The following MYLK variants were observed in gnomAD, a reference collection of about 807,000 sequenced individuals.
The protein encoded by MYLK is myosin light chain kinase, smooth muscle.
Under a neutral mutation model 203.4 loss-of-function variants are expected in MYLK, and 106 were observed. That is an observed-to-expected ratio of 0.52 (90% CI 0.45 to 0.61). The LOEUF (loss-of-function observed/expected upper bound fraction) is 0.61, where lower values mean the gene tolerates loss of function less well. Ranked by LOEUF, MYLK falls within the 20% of genes least tolerant of loss-of-function variation. The probability of loss-of-function intolerance (pLI) is 0.00; values close to 1 mark genes in which losing one functional copy is unlikely to be tolerated. For missense variants in MYLK, 2,072 were observed against 2,442.3 expected (o/e 0.85, Z 3.20); for synonymous variants, 867 against 959.5 (o/e 0.90, Z 1.78).
chr3:123,754,872 T>C (rs574854426), intron 4 of MYLK, among the ~76,000 whole-genome samples: 1 of 152,260 alleles, frequency 6.6e-6, no homozygotes, highest in East Asian at 1.9e-4. Context: ...TTAAATCTAG[T>C]AGCGGAAATA....
intron 4 of MYLK, among the ~76,000 whole-genome samples, chr3:123,781,358 C>A (rs1193039294): frequency 1.3e-5 from 2 of 152,206 alleles, no homozygotes; most frequent in Non-Finnish European, 2.9e-5. Context: ...CAAATGGAAT[C>A]CTGAGGGGGT....
chr3:123,618,709 A>G lies in MYLK; in HGVS notation c.5430T>C (p.Tyr1810=), dbSNP rs534877967. 4.3e-6 allele frequency: 7 copies of G among 1,614,182 alleles called. No individual in the cohort carries two copies. The East Asian group carries it at 1.1e-4, about 26-fold the overall frequency. ...CTAAATCGCGAATGGTCTTAGAGAAATAGGGTTTTACATGAGGCTTTTCCT... is the reference window on the plus strand; with the variant it reads ...CTAAATCGCGAATGGTCTTAGAGAAGTAGGGTTTTACATGAGGCTTTTCCT... ...VAEEKPHVKP[Y]FSKTIRDLEV... Residue 1810 remains tyrosine (Y), a synonymous_variant, in exon 33 of 34, where the codon TAT becomes TAC. Transcript: ENST00000360304.
In MYLK at chr3:123,876,573, T is replaced by C. The variant is rs1361844076; in HGVS notation, c.-141A>G. ...CATGCTATTACCTTTATTTTTTCTC[T>C]TCAGCTGGCCCGAATTGGTTTCTGT... On this transcript the variant is annotated 5_prime_UTR_variant, in exon 2 of 34. Coordinates refer to ENST00000360304, the MANE Select transcript of MYLK (RefSeq NM_053025.4). 1 of 152,214 alleles carries C rather than the reference T, an allele frequency of 6.6e-6. No homozygotes were observed. The highest frequency in any genetic ancestry group is 2.4e-5 in the African/African-American group (1 of 41,454). 9.4% of individuals were successfully genotyped at this position (152,214 alleles called of 1,614,324 possible). A position where few individuals can be genotyped will look rare whatever the true frequency, so the allele number is the denominator to read the frequency against.
intron 4 of MYLK, among the ~76,000 whole-genome samples, chr3:123,792,905 C>T (rs2064837911): frequency 1.3e-5 from 2 of 152,160 alleles, no homozygotes; most frequent in Non-Finnish European, 2.9e-5. Flanking sequence ...TTCAGTACAG[C>T]CCCAGGCCAT....
At position 123,629,215 on chromosome 3, in the gene MYLK, C is replaced by T. The variant is rs1370539210; in HGVS notation, c.5114+259G>A. On this transcript the variant is annotated intron_variant, in intron 30 of 33. Transcript: ENST00000360304. This position sits in a 1 kb window ranked among gnomAD's most constrained non-coding sequence, Gnocchi z 4.4. Reference sequence around the variant, plus strand: ...CTTGCTCTGTAACGTGGTCAAGTGTCGCTTTTCAAGTCAGGTGTCTGAGCC... The same window carrying T: ...CTTGCTCTGTAACGTGGTCAAGTGTTGCTTTTCAAGTCAGGTGTCTGAGCC... Among the ~76,000 whole-genome samples, 1 of 152,194 alleles carries T rather than the reference C, an allele frequency of 6.6e-6. No individual in the cohort carries two copies. Among genetic ancestry groups the T allele is most frequent in the Non-Finnish European group, 1.5e-5 (1 of 68,038 alleles).
intron 3 of MYLK, chr3:123,814,113 G>T: frequency 5.7e-6 from 2 of 348,772 alleles, no homozygotes; most frequent in East Asian, 8.8e-5. Context: ...CCCTGCCTGT[G>T]TAGGCACTGA....
chr3:123,852,352 C>T (rs2030907572), intron 2 of MYLK, among the ~76,000 whole-genome samples: 1 of 152,172 alleles, frequency 6.6e-6, no homozygotes, highest in Non-Finnish European at 1.5e-5. Context: ...GTGAATCCGT[C>T]TGGTCCTGGA....
At chr3:123,721,042 G>A (rs547361641) in intron 13 of MYLK, among the ~76,000 whole-genome samples, 2 of 152,290 alleles carry the variant, frequency 1.3e-5, no homozygotes, top group South Asian at 4.2e-4. Context: ...AGAGCCTTCT[G>A]TCTGAAATCA....
chr3:123,744,571 T>A (rs2062957928), intron 5 of MYLK, among the ~76,000 whole-genome samples: 1 of 152,184 alleles, frequency 6.6e-6, no homozygotes. Flanking sequence ...AAAACAATTC[T>A]CCGTTTTATG....
chr3:123,628,248 G>T (rs753506269), intron 30 of MYLK, among the ~76,000 whole-genome samples: 150 of 152,314 alleles, frequency 9.8e-4, no homozygotes, highest in Admixed American at 1.9e-3. Context: ...GTGCATCACA[G>T]GAAAGCCTGA....
At position 123,620,250 on chromosome 3, in the gene MYLK, C is replaced by A; in HGVS notation, c.5325G>T (p.Gly1775=). The change falls in exon 32 of 34, where the codon GGG becomes GGT. Residue 1775 remains glycine, a synonymous_variant. Transcript: ENST00000360304. The part of the protein sequence containing the change: ...SGLSGRKSST[G]SPTSPLNAEK... ...CTGCATTGAGCGGGCTGGTTGGTGA[C>A]CCTGTTGAGGATTTCCTGCCACTGA... is the stretch of plus-strand genomic sequence containing the variant. The A allele has an allele frequency of 1.2e-6, 2 of 1,614,198 alleles. No individual in the cohort carries two copies. Among genetic ancestry groups the A allele is most frequent in the Non-Finnish European group, 8.5e-7 (1 of 1,180,038 alleles).
chr3:123,692,659 G>T, intron 19 of MYLK, 76 bp downstream of exon 19: 1 of 1,158,090 alleles, frequency 8.6e-7, no homozygotes, highest in Non-Finnish European at 1.3e-6. Flanking sequence ...TGACAGGCAA[G>T]GTATGGTAAG....
intron 33 of MYLK, among the ~76,000 whole-genome samples, chr3:123,614,771 C>T (rs934290319): frequency 6.6e-6 from 1 of 151,112 alleles, no homozygotes; most frequent in Non-Finnish European, 1.5e-5. Flanking sequence ...AGACTATAGG[C>T]ATGAGCGACC....
intron 3 of MYLK, chr3:123,814,136 C>A: frequency 5.5e-6 from 2 of 366,662 alleles, no homozygotes; most frequent in South Asian, 2.4e-5. Context: ...CAGAAGGCTG[C>A]CACAGAAACA....
chr3:123,845,730 T>A (rs1471372367), intron 2 of MYLK, among the ~76,000 whole-genome samples: 1 of 152,156 alleles, frequency 6.6e-6, no homozygotes, highest in East Asian at 1.9e-4. Flanking sequence ...CATAGCTAAC[T>A]GCAGGCTCAG....
chr3:123,647,145 G>A (rs987491126), intron 27 of MYLK, 79 bp downstream of exon 27: 23 of 1,313,554 alleles, frequency 1.8e-5, no homozygotes, highest in Non-Finnish European at 2.4e-5. Flanking sequence ...TGGGGCAGAG[G>A]TGGCTGGGGT....
At position 123,649,072 on chromosome 3, in the gene MYLK, G is replaced by T; in HGVS notation, c.4322-8C>A. 1 of 1,614,024 alleles carries T rather than the reference G, an allele frequency of 6.2e-7. No individual in the cohort carries two copies. Among genetic ancestry groups the T allele is most frequent in the Non-Finnish European group, 8.5e-7 (1 of 1,179,936 alleles). On this transcript the variant is annotated splice_polypyrimidine_tract_variant and splice_region_variant and intron_variant, in intron 25 of 33. Transcript: ENST00000360304. ...CCTCGGGCTCCTTCTCATCTGTGGG[G>T]CACAGGTCAGGGTTGGTGTGAGTCT...
intron 19 of MYLK, among the ~76,000 whole-genome samples, chr3:123,684,015 C>T (rs184081681): frequency 6.6e-6 from 1 of 152,194 alleles, no homozygotes; most frequent in Middle Eastern, 3.2e-3. Context: ...CCCAGCATGC[C>T]AGTTCCATGA....
chr3:123,777,825 T>C (rs1020879231), intron 4 of MYLK, among the ~76,000 whole-genome samples: 1 of 152,204 alleles, frequency 6.6e-6, no homozygotes, highest in Non-Finnish European at 1.5e-5. Context: ...CACAGGGACA[T>C]GTGTATATAC....
Sources: allele counts gnomAD v4.1 joint callset (sites outside exome capture counted in the v4.1 genomes callset), GRCh38; gene constraint gnomAD v4.1.1; non-coding constraint Gnocchi (gnomAD v3.1); transcripts MANE v1.5; gene names NCBI Gene and HGNC (gene_info 2026-07-23, HGNC 2026-07-21).